Variants in CLVS1 observed in about 807,000 individuals in gnomAD.
The protein encoded by CLVS1 is clavesin 1, also known as clavesin-1.
Under a neutral mutation model 33.1 loss-of-function variants are expected in CLVS1, and 10 were observed. That is an observed-to-expected ratio of 0.30 (90% CI 0.19 to 0.51). CLVS1 has a LOEUF of 0.51. CLVS1 is among the 20% of genes least tolerant of loss of function. The pLI, the probability that CLVS1 is intolerant of heterozygous loss-of-function variation, is 0.97. For missense variants in CLVS1, 343 were observed against 433.4 expected, an observed-to-expected ratio of 0.79 and a Z score of 1.85; for synonymous variants, 163 against 166.1, an observed-to-expected ratio of 0.98 and a Z score of 0.14.
intron 5 of CLVS1, among the ~76,000 whole-genome samples, chr8:61,463,314 A>G (rs546664296): frequency 6.6e-6 from 1 of 150,572 alleles, no homozygotes; most frequent in South Asian, 2.2e-4. Context: ...CATATCAGCA[A>G]TAAGGTTGTT....
chr8:61,111,539 A>C (rs1805628511), intron 1 of CLVS1, among the ~76,000 whole-genome samples: 1 of 152,206 alleles, frequency 6.6e-6, no homozygotes, highest in Non-Finnish European at 1.5e-5. Context: ...AATTCAATTG[A>C]AACTTATTTT....
intron 3 of CLVS1, among the ~76,000 whole-genome samples, chr8:61,424,009 AC>A (rs968542954): frequency 7.4e-4 from 113 of 152,328 alleles, no homozygotes; most frequent in African/African-American, 2.5e-3. Flanking sequence ...ACAATTTATA[AC>A]CTCTATCTTC....
intron 5 of CLVS1, 29 bp downstream of exon 5, chr8:61,458,571 C>CT: frequency 6.8e-7 from 1 of 1,461,834 alleles, no homozygotes; most frequent in Non-Finnish European, 9.3e-7. Flanking sequence ...GAGCCCCCCC[C>CT]CCAGTCAGAG....
At chr8:61,107,737 CTTTG>C (rs1233040677) in intron 1 of CLVS1, among the ~76,000 whole-genome samples, 3 of 152,202 alleles carry the variant, frequency 2.0e-5, no homozygotes, top group African/African-American at 7.2e-5. Context: ...AGCACAGCAC[CTTTG>C]TTTGCTGAAT....
intron 2 of CLVS1, among the ~76,000 whole-genome samples, chr8:61,181,385 T>A (rs1218241783): frequency 1.3e-5 from 2 of 152,088 alleles, no homozygotes; most frequent in South Asian, 4.1e-4. Context: ...AGAATCAATA[T>A]CATGAAAATG....
rs139314778 is a variant in CLVS1, at chr8:61,093,986, G to C, written c.-243+36756G>C. Among the ~76,000 whole-genome samples, 1,150 of 152,328 alleles carry C rather than the reference G, an allele frequency of 7.5e-3. 18 individuals are homozygous for C. Among genetic ancestry groups the C allele is most frequent in the African/African-American group, 0.027 (1,105 of 41,572 alleles). On this transcript the variant is annotated intron_variant, in intron 1 of 2. Coordinates refer to the CLVS1 transcript ENST00000522621. ...TGTGCCTGGGAGCCATGGGGTTTTC[G>C]GTCATTTGGCCTGGCTTATTCTCTG...
chr8:61,473,500 G>A lies in CLVS1; in HGVS notation c.977+14958G>A, dbSNP rs577348618. ...ATAAGCAATGGACAGTTTCAGAAAA[G>A]TTTTTGCAAATGAGTGCAATGAATA... On this transcript the variant is annotated intron_variant, in intron 5 of 5. Transcript: ENST00000325897. Among the ~76,000 whole-genome samples the A allele has an allele frequency of 7.2e-5, 11 of 152,264 alleles. No individual in the cohort carries two copies. The South Asian group carries it at 8.3e-4, about 11-fold the overall frequency.
At chr8:61,448,666 G>A (rs571549293) in intron 3 of CLVS1, among the ~76,000 whole-genome samples, 9 of 151,518 alleles carry the variant, frequency 5.9e-5, no homozygotes, top group East Asian at 1.9e-4. Context: ...ACTTGAGGCC[G>A]GGAGTCTGAG....
the CLVS1 span, among the ~76,000 whole-genome samples, chr8:61,027,510 G>C: frequency 6.6e-6 from 1 of 151,846 alleles, no homozygotes; most frequent in Non-Finnish European, 1.5e-5. Flanking sequence ...TCTTTGCTTG[G>C]GGTTCATATC....
At chr8:61,167,806 C>T (rs1030429701) in intron 2 of CLVS1, among the ~76,000 whole-genome samples, 4 of 152,174 alleles carry the variant, frequency 2.6e-5, no homozygotes, top group African/African-American at 9.7e-5. Flanking sequence ...AGAGTGACCA[C>T]TGGTTGTCCT....
the CLVS1 span, among the ~76,000 whole-genome samples, chr8:60,979,645 G>A: frequency 2.0e-5 from 3 of 152,190 alleles, no homozygotes; most frequent in Admixed American, 6.5e-5. Context: ...AAATAAGAGC[G>A]AGTCCTGCAT....
At chr8:61,037,775 A>T in the CLVS1 span, among the ~76,000 whole-genome samples, 1 of 152,238 alleles carries the variant, frequency 6.6e-6, no homozygotes, top group African/African-American at 2.4e-5. Flanking sequence ...CAGAGCTGTC[A>T]GAGAACTTCA....
chr8:61,232,038 T>TTTG lies in CLVS1; in HGVS notation c.-151-67637_-151-67636insGTT, dbSNP rs1808453162. 1.2e-4 allele frequency among the ~76,000 whole-genome samples: 17 copies of TTTG among 136,320 alleles called. No homozygotes were observed. In the South Asian group the frequency reaches 3.5e-3, roughly 28 times the overall value. 89.4% of individuals were successfully genotyped at this position (136,320 alleles called of 152,430 possible). ...GAAAGTTGTGGTTTTTTTTTTTTTT[T>TTTG]TTTTTTTTTTTTGTGAGATGGAGTC... On this transcript the variant is annotated intron_variant, in intron 2 of 2. Coordinates refer to the CLVS1 transcript ENST00000522621.
intron 2 of CLVS1, among the ~76,000 whole-genome samples, chr8:61,234,451 C>A (rs1316672683): frequency 6.6e-6 from 1 of 152,106 alleles, no homozygotes; most frequent in African/African-American, 2.4e-5. Context: ...CACAGAAAGA[C>A]ACGTCCTTTT....
intron 3 of CLVS1, among the ~76,000 whole-genome samples, chr8:61,427,437 T>G (rs976394335): frequency 2.6e-5 from 4 of 152,082 alleles, no homozygotes; most frequent in Admixed American, 6.5e-5. Context: ...AGAATGAATC[T>G]CTCCCCTTTA....
intron 3 of CLVS1, among the ~76,000 whole-genome samples, chr8:61,429,988 T>C (rs944369385): frequency 6.6e-6 from 1 of 152,248 alleles, no homozygotes; most frequent in Non-Finnish European, 1.5e-5. Context: ...GAGCTGCTGT[T>C]TTCTCTGGAA....
At chr8:60,986,655 C>T in the CLVS1 span, among the ~76,000 whole-genome samples, 1 of 152,210 alleles carries the variant, frequency 6.6e-6, no homozygotes, top group Non-Finnish European at 1.5e-5. Flanking sequence ...TGAAGCGTTC[C>T]AAATTTGTTG....
intron 2 of CLVS1, among the ~76,000 whole-genome samples, chr8:61,233,525 GAAAGAA>G (rs1304178806): frequency 1.5e-5 from 2 of 131,140 alleles, no homozygotes; most frequent in Non-Finnish European, 3.2e-5. Context: ...AAAAAAAAAA[GAAAGAA>G]AAAGAAAAAG....
chr8:61,467,059 G>A (rs921090010), intron 5 of CLVS1, among the ~76,000 whole-genome samples: 1 of 152,146 alleles, frequency 6.6e-6, no homozygotes, highest in Non-Finnish European at 1.5e-5. Flanking sequence ...GTATCTGTAT[G>A]TATACACACA....
Sources: gnomAD v4.1 joint callset for allele counts (sites outside exome capture counted in the v4.1 genomes callset) on GRCh38, gnomAD v4.1.1 for gene constraint, MANE v1.5 for transcripts, NCBI Gene and HGNC (gene_info 2026-07-23, HGNC 2026-07-21) for gene names.